Variants in OPHN1 observed in about 807,000 individuals in gnomAD.
OPHN1 encodes the protein oligophrenin-1.
Under a neutral mutation model 60.7 loss-of-function variants are expected in OPHN1, and 11 were observed. That is an observed-to-expected ratio of 0.18 (90% CI 0.11 to 0.30). OPHN1 has a LOEUF of 0.30. OPHN1 is among the 10% of genes least tolerant of loss of function. The pLI is 1.00. For synonymous variants in OPHN1, 226 were observed against 222.6 expected, an observed-to-expected ratio of 1.02 and a Z score of -0.14; for missense variants, 449 against 611.0, an observed-to-expected ratio of 0.73 and a Z score of 2.80.
At chrX:68,114,727 A>G (rs1272338196) in intron 16 of OPHN1, among the ~76,000 whole-genome samples, 1 of 111,405 alleles carries the variant, frequency 9.0e-6, no homozygotes, top group Non-Finnish European at 1.9e-5. Flanking sequence ...CAAGCCTGCA[A>G]TGAGTCATGA....
intron 2 of OPHN1, among the ~76,000 whole-genome samples, chrX:68,365,170 C>A (rs1359911406): frequency 9.0e-6 from 1 of 111,057 alleles, no homozygotes; most frequent in Non-Finnish European, 1.9e-5. Flanking sequence ...TTATACCATG[C>A]GGTTCCAGAT....
At chrX:68,073,085 C>T in intron 20 of OPHN1, 67 bp downstream of exon 20, 1 of 1,124,871 alleles carries the variant, frequency 8.9e-7, no homozygotes, top group Non-Finnish European at 1.2e-6. Context: ...GCCACCGCTT[C>T]TGCCCTTCGA....
chrX:68,116,855 T>G (rs760376525), intron 16 of OPHN1, among the ~76,000 whole-genome samples: 1 of 111,163 alleles, frequency 9.0e-6, no homozygotes, highest in African/African-American at 3.3e-5. Context: ...TGAATTGTAC[T>G]TCCCAAATCT....
intron 5 of OPHN1, among the ~76,000 whole-genome samples, chrX:68,257,211 G>A (rs1489461141): frequency 8.9e-6 from 1 of 112,064 alleles, no homozygotes; most frequent in Non-Finnish European, 1.9e-5. Context: ...CACAATATCT[G>A]CAAGGTATGC....
intron 2 of OPHN1, among the ~76,000 whole-genome samples, chrX:68,375,292 A>T (rs1474530990): frequency 1.8e-5 from 2 of 111,870 alleles, no homozygotes; most frequent in African/African-American, 6.5e-5. Flanking sequence ...CAGGAGTTGG[A>T]GACCAGCCTG....
At chrX:68,398,511 G>A (rs1472811295) in intron 2 of OPHN1, among the ~76,000 whole-genome samples, 1 of 112,054 alleles carries the variant, frequency 8.9e-6, no homozygotes, top group Non-Finnish European at 1.9e-5. Context: ...CAGAAACACA[G>A]GGCTATCAGG....
Position 68,249,832 on chromosome X carries a change from C to T in OPHN1, c.385-15244G>A, listed in dbSNP as rs766782359. On this transcript the variant is annotated intron_variant, in intron 5 of 24. Transcript: ENST00000355520. ...CGCTTCTTGTCAGCAGGACATGGTA[C>T]TTTGGCATGTAACAAACTAAGGCCT... Among the ~76,000 whole-genome samples, 6 of 111,916 alleles carry T rather than the reference C, an allele frequency of 5.4e-5. No individual in the cohort carries two copies. The East Asian group carries it at 1.7e-3, about 31-fold the overall frequency.
intron 2 of OPHN1, among the ~76,000 whole-genome samples, chrX:68,407,288 T>A (rs2078748146): frequency 8.9e-6 from 1 of 112,474 alleles, no homozygotes; most frequent in African/African-American, 3.2e-5. Flanking sequence ...GTTCTAGCCA[T>A]CATGTGTCCA....
At chrX:68,245,263 C>T (rs1002421469) in intron 5 of OPHN1, among the ~76,000 whole-genome samples, 4 of 111,400 alleles carry the variant, frequency 3.6e-5, no homozygotes, top group African/African-American at 1.3e-4. Flanking sequence ...CAAGGCCCTG[C>T]AGTCTCACGC....
In OPHN1 at chrX:68,399,832, T is replaced by TC. The variant is rs1435587866; in HGVS notation, c.154+33034_154+33035insG. On this transcript the variant is annotated intron_variant, in intron 2 of 24. Coordinates refer to ENST00000355520, the MANE Select transcript of OPHN1 (RefSeq NM_002547.3). Reference sequence around the variant, plus strand: ...TTTAGTTTCTTTTTTTTTCTTTCTTTTTTTTTTTTTAAGACAGAGTTTCGC... The same window carrying TC: ...TTTAGTTTCTTTTTTTTTCTTTCTTTCTTTTTTTTTTAAGACAGAGTTTCGC... 3.7e-5 allele frequency among the ~76,000 whole-genome samples: 4 copies of TC among 107,199 alleles called. No individual in the cohort carries two copies. The South Asian group carries it at 1.3e-3, about 34-fold the overall frequency. 93.1% of individuals were successfully genotyped at this position (107,199 alleles called of 115,157 possible).
At chrX:68,125,861 C>A (rs2077167772) in intron 15 of OPHN1, among the ~76,000 whole-genome samples, 1 of 95,005 alleles carries the variant, frequency 1.1e-5, no homozygotes, top group East Asian at 3.4e-4. Context: ...GATACCAAAA[C>A]CAGACCAAAA....
At chrX:68,174,469 CTTT>C (rs767690922) in intron 15 of OPHN1, among the ~76,000 whole-genome samples, 1 of 76,339 alleles carries the variant, frequency 1.3e-5, no homozygotes, top group Non-Finnish European at 2.3e-5. Flanking sequence ...TTAACTTATT[CTTT>C]TTTTTTTTTT....
In OPHN1 at chrX:68,433,391, A is replaced by G; in HGVS notation, c.-228T>C. Reference sequence around the variant, plus strand: ...GGCCGGATCCTTCCTGAGCAATTGCAAACGTGACACTTGGGCCCGCCCAAG... The same window carrying G: ...GGCCGGATCCTTCCTGAGCAATTGCGAACGTGACACTTGGGCCCGCCCAAG... On this transcript the variant is annotated 5_prime_UTR_variant, in exon 1 of 25. Coordinates refer to ENST00000355520, the MANE Select transcript of OPHN1 (RefSeq NM_002547.3). 1 of 280,169 alleles carries G rather than the reference A, an allele frequency of 3.6e-6. No individual in the cohort carries two copies. Among genetic ancestry groups the G allele is most frequent in the Non-Finnish European group, 6.3e-6 (1 of 159,407 alleles). The allele number at this position is 280,169 out of a possible 1,213,427, so 23.1% of individuals were successfully genotyped here. A position where few individuals can be genotyped will look rare whatever the true frequency, so the allele number is the denominator to read the frequency against.
chrX:68,183,273 A>G (rs773294056), intron 15 of OPHN1, among the ~76,000 whole-genome samples: 2 of 111,989 alleles, frequency 1.8e-5, no homozygotes, highest in African/African-American at 3.2e-5. Flanking sequence ...AACTGTTTTG[A>G]GTAAGATGAG....
rs2077496451 is a variant in OPHN1 at position 68,193,119 on chromosome X, C to T, written c.1202-126G>A. The T allele has an allele frequency of 1.1e-5, 6 of 541,660 alleles. No homozygotes were observed. The Admixed American group carries it at 1.5e-4, about 14-fold the overall frequency. 44.6% of individuals were successfully genotyped at this position (541,660 alleles called of 1,213,427 possible). On this transcript the variant is annotated intron_variant, in intron 14 of 24. Coordinates refer to ENST00000355520, the MANE Select transcript of OPHN1 (RefSeq NM_002547.3). Reference sequence around the variant, plus strand: ...CATACTCCAAGTTCTCCAGCCTTCCCTGTAACAGGGGAATAGTCCTACAGC... The same window carrying T: ...CATACTCCAAGTTCTCCAGCCTTCCTTGTAACAGGGGAATAGTCCTACAGC...
At chrX:68,221,801 G>T (rs1327992851) in intron 6 of OPHN1, among the ~76,000 whole-genome samples, 1 of 92,237 alleles carries the variant, frequency 1.1e-5, no homozygotes, top group African/African-American at 3.8e-5. Context: ...AGACTTAAAC[G>T]TTAGACCTAA....
intron 2 of OPHN1, among the ~76,000 whole-genome samples, chrX:68,323,292 G>A (rs1428367231): frequency 9.0e-6 from 1 of 111,496 alleles, no homozygotes. Context: ...TAGCTACAAT[G>A]GCTTCCTTTC....
intron 15 of OPHN1, among the ~76,000 whole-genome samples, chrX:68,190,669 C>T (rs1485074290): frequency 8.9e-6 from 1 of 111,962 alleles, no homozygotes; most frequent in African/African-American, 3.2e-5. Context: ...AGTGGGATGC[C>T]TGGCATGGCA....
At chrX:68,228,870 C>T (rs763956884) in intron 6 of OPHN1, among the ~76,000 whole-genome samples, 167 of 110,581 alleles carry the variant, frequency 1.5e-3, no homozygotes, top group African/African-American at 5.4e-3. Flanking sequence ...GATGCCCTCT[C>T]TCACCACTCC....
Sources: allele counts gnomAD v4.1 joint callset (sites outside exome capture counted in the v4.1 genomes callset), GRCh38; gene constraint gnomAD v4.1.1; transcripts MANE v1.5; gene names NCBI Gene and HGNC (gene_info 2026-07-23, HGNC 2026-07-21).